EHBP1: variants seen among roughly 807,000 people sequenced by gnomAD.
EHBP1 encodes the protein EH domain binding protein 1, also known as EH domain-binding protein 1.
EHBP1 carries 55 observed loss-of-function variants against 144.0 expected under a neutral mutation model. That is an observed-to-expected ratio of 0.38 (90% CI 0.31 to 0.48). The LOEUF (loss-of-function observed/expected upper bound fraction) is 0.48. Among genes scored for constraint, EHBP1 ranks in the 20% least tolerant of loss-of-function variants. EHBP1 has a pLI of 0.98. For missense variants in EHBP1, 1,200 were observed against 1,364.2 expected (o/e 0.88, Z 1.90); for synonymous variants, 469 against 472.7 (o/e 0.99, Z 0.10).
intron 10 of EHBP1, among the ~76,000 whole-genome samples, chr2:62,890,204 G>A (rs189728725): frequency 2.4e-3 from 361 of 152,128 alleles, no homozygotes; most frequent in Non-Finnish European, 3.1e-3. Context: ...CCAAAGTGCT[G>A]GAATTACAAG....
chr2:62,793,000 C>T (rs1035529902), intron 5 of EHBP1, among the ~76,000 whole-genome samples: 5 of 151,548 alleles, frequency 3.3e-5, no homozygotes, highest in Admixed American at 2.6e-4. Context: ...GACAATGCTA[C>T]GTATATTAAA....
intron 5 of EHBP1, among the ~76,000 whole-genome samples, chr2:62,772,717 C>A (rs905357626): frequency 2.0e-5 from 3 of 152,166 alleles, no homozygotes; most frequent in African/African-American, 7.2e-5. Flanking sequence ...TTACCATTGC[C>A]ATCATCATCA....
At chr2:62,787,162 AT>A (rs1055480582) in intron 5 of EHBP1, among the ~76,000 whole-genome samples, 20 of 152,262 alleles carry the variant, frequency 1.3e-4, no homozygotes, top group Non-Finnish European at 2.2e-4. Context: ...TATAGTCATG[AT>A]TTTTGACTGA....
chr2:62,830,051 T>C (rs2046690403), intron 6 of EHBP1, among the ~76,000 whole-genome samples: 1 of 150,852 alleles, frequency 6.6e-6, no homozygotes, highest in Admixed American at 6.6e-5. Context: ...GCAATGTTTA[T>C]AGTGGCACAA....
chr2:62,927,644 C>T (rs2055630711), intron 10 of EHBP1, among the ~76,000 whole-genome samples: 2 of 152,124 alleles, frequency 1.3e-5, no homozygotes, highest in South Asian at 2.1e-4. Context: ...CGGAAGTAGA[C>T]ATACACATAC....
intron 10 of EHBP1, among the ~76,000 whole-genome samples, chr2:62,941,950 A>G (rs186283264): frequency 9.0e-4 from 137 of 152,248 alleles, no homozygotes; most frequent in Non-Finnish European, 1.6e-3. Flanking sequence ...AATTGTTAAT[A>G]TATAATCTTA....
At chr2:63,002,033 G>A (rs2059871133) in intron 19 of EHBP1, among the ~76,000 whole-genome samples, 1 of 152,040 alleles carries the variant, frequency 6.6e-6, no homozygotes, top group Non-Finnish European at 1.5e-5. Context: ...TCTTTACCCT[G>A]GTCATCACAA....
chr2:62,743,965 C>T (rs1389883278), intron 2 of EHBP1, among the ~76,000 whole-genome samples: 2 of 151,976 alleles, frequency 1.3e-5, no homozygotes, highest in South Asian at 2.1e-4. Context: ...CAAAGCATGC[C>T]GTCTTCAGAT....
At chr2:62,699,950 A>G (rs2034226266) in intron 1 of EHBP1, among the ~76,000 whole-genome samples, 1 of 152,204 alleles carries the variant, frequency 6.6e-6, no homozygotes, top group Non-Finnish European at 1.5e-5. Flanking sequence ...GCTGGACAAA[A>G]TTGTATTTTT....
chr2:62,780,995 C>T (rs921289151), intron 5 of EHBP1, among the ~76,000 whole-genome samples: 3 of 152,124 alleles, frequency 2.0e-5, no homozygotes, highest in Admixed American at 6.5e-5. Context: ...ACTTATTACT[C>T]ATAATTGCTT....
intron 5 of EHBP1, among the ~76,000 whole-genome samples, chr2:62,797,914 C>T (rs893346656): frequency 2.6e-5 from 4 of 151,968 alleles, no homozygotes; most frequent in Admixed American, 2.6e-4. Flanking sequence ...GAGTATCAAA[C>T]TAGGTAACTA....
At chr2:62,953,807 T>G (rs1167493973) in intron 13 of EHBP1, among the ~76,000 whole-genome samples, 1 of 152,184 alleles carries the variant, frequency 6.6e-6, no homozygotes, top group African/African-American at 2.4e-5. Flanking sequence ...TAAACACAAT[T>G]GGTGATTTTA....
chr2:62,725,444 T>C (rs945789861), intron 2 of EHBP1, among the ~76,000 whole-genome samples: 3 of 152,196 alleles, frequency 2.0e-5, no homozygotes, highest in Non-Finnish European at 4.4e-5. Context: ...CAACTGTGCA[T>C]GCCGTCATGC....
intron 8 of EHBP1, among the ~76,000 whole-genome samples, chr2:62,859,923 T>C (rs2049366814): frequency 6.6e-6 from 1 of 152,222 alleles, no homozygotes; most frequent in Non-Finnish European, 1.5e-5. Context: ...AATGCAAGAA[T>C]GATTAACTAC....
chr2:62,843,038 A>T (rs186385758), intron 7 of EHBP1, among the ~76,000 whole-genome samples: 9 of 152,348 alleles, frequency 5.9e-5, no homozygotes, highest in East Asian at 5.8e-4. Context: ...CTGCAAGAGC[A>T]GTAATTTTCT....
chr2:62,730,704 C>T (rs1000166111), intron 2 of EHBP1, among the ~76,000 whole-genome samples: 1 of 147,504 alleles, frequency 6.8e-6, no homozygotes, highest in African/African-American at 2.5e-5. Flanking sequence ...GACAGACAGA[C>T]AGACAGAGAT....
At chr2:62,871,429 A>G (rs2050474170) in intron 9 of EHBP1, among the ~76,000 whole-genome samples, 1 of 152,220 alleles carries the variant, frequency 6.6e-6, no homozygotes, top group Admixed American at 6.5e-5. Flanking sequence ...GGGAGCCTGT[A>G]AATACTCTAG....
chr2:62,887,896 A>G (rs897164428), intron 10 of EHBP1, among the ~76,000 whole-genome samples: 3 of 152,208 alleles, frequency 2.0e-5, no homozygotes, highest in African/African-American at 7.2e-5. Context: ...CTTCAAGGTC[A>G]TTGCTCTACA....
rs147469658 is a variant in EHBP1, at chr2:62,688,734, T to C, written c.-296+14651T>C. ...GATGAGAACAGGCAATGTTTAACTT[T>C]CATTCATCACTTTGCCTTTCCTCCT... On this transcript the variant is annotated intron_variant, in intron 1 of 22. Coordinates refer to the EHBP1 transcript ENST00000405015. Among the ~76,000 whole-genome samples, 307 of 152,290 alleles carry C rather than the reference T, an allele frequency of 2.0e-3. 1 individual carries two copies. The highest frequency in any genetic ancestry group is 7.0e-3 in the African/African-American group (291 of 41,556).
Sources: gnomAD v4.1 joint callset for allele counts (sites outside exome capture counted in the v4.1 genomes callset) on GRCh38, gnomAD v4.1.1 for gene constraint, MANE v1.5 for transcripts, NCBI Gene and HGNC (gene_info 2026-07-23, HGNC 2026-07-21) for gene names.